Variants in KCP observed in about 807,000 individuals in gnomAD.
KCP encodes the protein kielin/chordin-like protein.
A neutral mutation model predicts 212.7 loss-of-function variants in KCP; 194 were observed. The observed-to-expected ratio is 0.91, with a 90% CI of 0.81 to 1.03. The LOEUF (loss-of-function observed/expected upper bound fraction) is 1.03. Among genes scored for constraint, KCP ranks in the 50% least tolerant of loss-of-function variants. The pLI is 0.00. For synonymous variants in KCP, 833 were observed against 865.3 expected, an observed-to-expected ratio of 0.96 and a Z score of 0.65; for missense variants, 2,080 against 2,162.5, an observed-to-expected ratio of 0.96 and a Z score of 0.76.
chr7:128,893,432 TG>T lies in KCP; in HGVS notation c.1143del (p.Phe381LeufsTer133). ...ACACAGAGGCCCCGCTCTTGGAGTC[TG>T]AAGGTCTCCTGGCTCTGATACTGGT... is the stretch of plus-strand genomic sequence containing the variant. ...QGHQYQSQET[F>X]RLQERGLCVR... On this transcript the variant is annotated frameshift_variant, in exon 12 of 40. Coordinates refer to ENST00000610776, the MANE Select transcript of KCP (RefSeq NM_001366122.1). LOFTEE classifies it high-confidence loss of function. 6.4e-7 allele frequency: 1 copy of T among 1,551,630 alleles called. No homozygotes were observed. Among genetic ancestry groups the T allele is most frequent in the Non-Finnish European group, 8.7e-7 (1 of 1,146,944 alleles).
At chr7:128,879,349 G>A (rs1793176853) in intron 37 of KCP, 173 bp downstream of exon 37, 5 of 602,098 alleles carry the variant, frequency 8.3e-6, no homozygotes, top group Non-Finnish European at 1.5e-5. Context: ...TCCTCTGACT[G>A]CCTGGGGAGA....
intron 1 of KCP, 130 bp from the exon 2 acceptor site, chr7:128,908,698 C>T (rs772111790): frequency 5.2e-5 from 52 of 1,001,446 alleles, no homozygotes; most frequent in Non-Finnish European, 7.3e-5. Flanking sequence ...CAATTGCCCA[C>T]CCACCATCCA....
intron 8 of KCP, among the ~76,000 whole-genome samples, chr7:128,899,626 T>C (rs1257178981): frequency 6.6e-6 from 1 of 152,238 alleles, no homozygotes; most frequent in Non-Finnish European, 1.5e-5. Context: ...GGCAATTGAG[T>C]AAAGTATACT....
chr7:128,908,341 C>T, intron 2 of KCP, 85 bp downstream of exon 2: 1 of 1,283,092 alleles, frequency 7.8e-7, no homozygotes, highest in Non-Finnish European at 1.0e-6. Context: ...TTTTAGGCTC[C>T]CCCCTCCAAG....
At chr7:128,906,556 C>T (rs1795128996) in intron 4 of KCP, among the ~76,000 whole-genome samples, 193 bp from the exon 5 acceptor site, 1 of 151,944 alleles carries the variant, frequency 6.6e-6, no homozygotes, top group Non-Finnish European at 1.5e-5. Flanking sequence ...TCTCCTGATG[C>T]TCTTAACCCT....
intron 36 of KCP, 30 bp downstream of exon 36, chr7:128,879,688 C>G: frequency 6.5e-7 from 1 of 1,549,360 alleles, no homozygotes; most frequent in Non-Finnish European, 8.7e-7. Context: ...GCACAGGATC[C>G]ACCTTCCTCC....
chr7:128,888,663 C>G (rs1249137530), intron 22 of KCP, among the ~76,000 whole-genome samples, 200 bp downstream of exon 22: 1 of 152,048 alleles, frequency 6.6e-6, no homozygotes, highest in African/African-American at 2.4e-5. Context: ...CACACACACA[C>G]AGAGCCACAC....
rs1244005880 is a variant in KCP at position 128,907,342 on chromosome 7, G to T, written c.331C>A (p.Pro111Thr). The stretch of plus-strand genomic sequence containing the variant: ...CAGACGCAGGCTGTGCAGGCGTCAG[G>T]CTCCCAGCGTGCCCCCTCGGGCCAG... Reference protein sequence around the residue: ...RAWPEGARWEPDACTACVCQD... With the variant: ...RAWPEGARWETDACTACVCQD... Residue 111 changes from proline to threonine, a missense_variant, in exon 3 of 40, where the codon CCT becomes ACT. Transcript: ENST00000610776. The T allele has an allele frequency of 6.5e-7, 1 of 1,543,280 alleles. No individual in the cohort carries two copies. The highest frequency in any genetic ancestry group is 1.2e-5 in the South Asian group (1 of 83,822).
At chr7:128,901,871 T>C (rs1344286206) in intron 8 of KCP, among the ~76,000 whole-genome samples, 1 of 152,274 alleles carries the variant, frequency 6.6e-6, no homozygotes, top group Non-Finnish European at 1.5e-5. Flanking sequence ...ACGGCTTACA[T>C]GTCCCTACCT....
chr7:128,909,144 C>T (rs1795301846), intron 1 of KCP, among the ~76,000 whole-genome samples: 1 of 152,170 alleles, frequency 6.6e-6, no homozygotes, highest in Admixed American at 6.5e-5. Context: ...GAGCTCTGGC[C>T]TGGGGTTAGG....
chr7:128,881,559 A>G lies in KCP; in HGVS notation c.3424+67T>C, dbSNP rs73459300. 13,908 of 1,177,772 alleles carry G rather than the reference A, an allele frequency of 0.012. 1,329 individuals are homozygous for G. The African/African-American group carries it at 0.2, about 17-fold the overall frequency. 73.0% of individuals were successfully genotyped at this position (1,177,772 alleles called of 1,614,324 possible). On this transcript the variant is annotated intron_variant, in intron 31 of 39. Transcript: ENST00000610776. ...CCTGGGCTGCCCGCTTGGCCCATGA[A>G]TGCCTCCCCTTCCTGTGTTCCCCCT...
In KCP at chr7:128,881,625, C is replaced by A; in HGVS notation, c.3424+1G>T. 6.7e-7 allele frequency: 1 copy of A among 1,492,108 alleles called. No individual in the cohort carries two copies. Among genetic ancestry groups the A allele is most frequent in the Non-Finnish European group, 8.9e-7 (1 of 1,124,976 alleles). The allele number at this position is 1,492,108 out of a possible 1,614,324, so 92.4% of individuals were successfully genotyped here. ...GGTGGAGGCCAAGGCTGGGCACTTA[C>A]CCCGGCATACGGGGCAGCAGCTCCC... is the stretch of plus-strand genomic sequence containing the variant. On this transcript the variant is annotated splice_donor_variant, in intron 31 of 39. Coordinates refer to ENST00000610776, the MANE Select transcript of KCP (RefSeq NM_001366122.1). LOFTEE classifies it high-confidence loss of function.
In KCP at chr7:128,886,860, G is replaced by A. The variant is rs1255190076; in HGVS notation, c.2689+16C>T. Reference sequence around the variant, plus strand: ...GGGGAAGGGCATGGGGGCCGCGCATGAGGAAGGCAGCTCACTGTGGCAAAC... The same window carrying A: ...GGGGAAGGGCATGGGGGCCGCGCATAAGGAAGGCAGCTCACTGTGGCAAAC... On this transcript the variant is annotated intron_variant, in intron 24 of 39. Coordinates refer to ENST00000610776, the MANE Select transcript of KCP (RefSeq NM_001366122.1). 2.7e-6 allele frequency: 4 copies of A among 1,494,108 alleles called. No individual in the cohort carries two copies. Among genetic ancestry groups the A allele is most frequent in the East Asian group, 2.5e-5 (1 of 40,548 alleles). 92.6% of individuals were successfully genotyped at this position (1,494,108 alleles called of 1,614,324 possible). A position where few individuals can be genotyped will look rare whatever the true frequency, so the allele number is the denominator to read the frequency against.
At chr7:128,904,570 C>T (rs1167114888) in intron 5 of KCP, among the ~76,000 whole-genome samples, 1 of 152,246 alleles carries the variant, frequency 6.6e-6, no homozygotes, top group Non-Finnish European at 1.5e-5. Context: ...CTAGCCCCCA[C>T]ATTTGGGCTT....
In KCP at chr7:128,881,924, C is replaced by A. The variant is rs571791700; in HGVS notation, c.3324+13G>T. The A allele has an allele frequency of 6.4e-7, 1 of 1,550,614 alleles. No individual in the cohort carries two copies. ...AGAGGGGCTCTGTGAGTCCCCAAGG[C>A]AGGAGGGCTCACCTGGCACTGGCAC... On this transcript the variant is annotated intron_variant, in intron 30 of 39. Transcript: ENST00000610776.
At chr7:128,909,783 G>A (rs1368436682) in intron 1 of KCP, among the ~76,000 whole-genome samples, 1 of 152,142 alleles carries the variant, frequency 6.6e-6, no homozygotes, top group Non-Finnish European at 1.5e-5. Context: ...TTATATCAGG[G>A]ATTCTAACTC....
At position 128,890,389 on chromosome 7, in the gene KCP, T is replaced by C; in HGVS notation, c.2289A>G (p.Ala763=). ...CGCCCCTGGCAGGGAAGGGGCACAGTGCAGGGGCACATGCCTTGGGCTCGC... is the reference window on the plus strand; with the variant it reads ...CGCCCCTGGCAGGGAAGGGGCACAGCGCAGGGGCACATGCCTTGGGCTCGC... ...VSCEPKACAP[A]LCPFPARGDC... The change falls in exon 21 of 40, where the codon GCA becomes GCG. Residue 763 remains alanine (A), a synonymous_variant. Coordinates refer to ENST00000610776, the MANE Select transcript of KCP (RefSeq NM_001366122.1). The C allele has an allele frequency of 4.5e-6, 7 of 1,551,202 alleles. No homozygotes were observed. Among genetic ancestry groups the C allele is most frequent in the Non-Finnish European group, 6.1e-6 (7 of 1,146,960 alleles).
chr7:128,893,123 G>A, intron 13 of KCP, 102 bp from the exon 14 acceptor site: 1 of 1,136,040 alleles, frequency 8.8e-7, no homozygotes, highest in Non-Finnish European at 1.3e-6. Flanking sequence ...CGCTGACACT[G>A]TAGAATGGCT....
Position 128,879,960 on chromosome 7 carries a change from G to A in KCP, c.3885C>T (p.Gly1295=), listed in dbSNP as rs1320098719. Residue 1295 remains glycine, a synonymous_variant, in exon 35 of 40, where the codon GGC becomes GGT. Transcript: ENST00000610776. The part of the protein sequence containing the change: ...TFDGRLLHFQ[G]SCSYVLAKDC... ...CCTTGGCCAGCACATAGCTGCAACT[G>A]CCCTGGAAGTGCAGCAGGCGGCCGT... The A allele has an allele frequency of 4.5e-6, 7 of 1,550,782 alleles. No homozygotes were observed. The Admixed American group carries it at 9.8e-5, about 22-fold the overall frequency.
Sources: gnomAD v4.1 joint callset for allele counts (sites outside exome capture counted in the v4.1 genomes callset) on GRCh38, gnomAD v4.1.1 for gene constraint, MANE v1.5 for transcripts, NCBI Gene and HGNC (gene_info 2026-07-23, HGNC 2026-07-21) for gene names.